GABRG3: variants seen among roughly 807,000 people sequenced by gnomAD.
GABRG3 encodes the protein gamma-aminobutyric acid type A receptor subunit gamma3.
GABRG3 carries 25 observed loss-of-function variants against 48.8 expected under a neutral mutation model. The ratio of observed to expected loss-of-function variants is 0.51; its 90% CI spans 0.37 to 0.72. The LOEUF is 0.72. Ranked by LOEUF, GABRG3 falls within the 30% of genes least tolerant of loss-of-function variation. The pLI is 0.00. For synonymous variants in GABRG3, 227 were observed against 217.6 expected, an observed-to-expected ratio of 1.04 and a Z score of -0.38; for missense variants, 394 against 577.9, an observed-to-expected ratio of 0.68 and a Z score of 3.26.
At chr15:27,521,010 A>G (rs1305201245) in intron 7 of GABRG3, among the ~76,000 whole-genome samples, 1 of 152,124 alleles carries the variant, frequency 6.6e-6, no homozygotes, top group Non-Finnish European at 1.5e-5. Flanking sequence ...AATACGTGGT[A>G]GAATTGTAGG....
intron 3 of GABRG3, among the ~76,000 whole-genome samples, chr15:27,267,956 A>G (rs972770344): frequency 3.3e-5 from 5 of 152,174 alleles, no homozygotes; most frequent in African/African-American, 9.6e-5. Context: ...TATTTTTAAA[A>G]AAATTGCTTC....
rs1447847327 is a variant in GABRG3, at chr15:27,288,161, CTG to C, written c.271-38645_271-38644del. Among the ~76,000 whole-genome samples, 7 of 152,154 alleles carry C rather than the reference CTG, an allele frequency of 4.6e-5. No homozygotes were observed. The East Asian group carries it at 1.2e-3, about 25-fold the overall frequency. ...ATGTCTACTTCTCAATCTCTGGAAA[CTG>C]TGAATATGTTACATCAGTGGTCTTC... On this transcript the variant is annotated intron_variant, in intron 3 of 9. Transcript: ENST00000615808.
chr15:27,206,323 C>T (rs1473145801), intron 3 of GABRG3, among the ~76,000 whole-genome samples: 5 of 152,058 alleles, frequency 3.3e-5, no homozygotes, highest in Admixed American at 6.6e-5. Flanking sequence ...AAAAGTCATT[C>T]GGGGTCAGAT....
chr15:27,416,813 C>G (rs1161832446), intron 5 of GABRG3, among the ~76,000 whole-genome samples: 1 of 152,180 alleles, frequency 6.6e-6, no homozygotes. Flanking sequence ...GCCCTGTGAC[C>G]TCACTTCTCT....
chr15:27,211,764 T>A (rs1246426186), intron 3 of GABRG3, among the ~76,000 whole-genome samples: 1 of 152,194 alleles, frequency 6.6e-6, no homozygotes. Flanking sequence ...GAATTGTGCT[T>A]TTGTGCTTTT....
intron 3 of GABRG3, among the ~76,000 whole-genome samples, chr15:27,286,353 T>C (rs1246642198): frequency 6.6e-6 from 1 of 152,222 alleles, no homozygotes; most frequent in African/African-American, 2.4e-5. Context: ...ATTTTCTTTT[T>C]CCACGGCTGA....
intron 3 of GABRG3, among the ~76,000 whole-genome samples, chr15:27,165,362 A>G (rs1408329871): frequency 1.3e-5 from 2 of 152,208 alleles, no homozygotes; most frequent in East Asian, 3.9e-4. Flanking sequence ...GACCTCCATG[A>G]CAAAGCCTCT....
chr15:27,002,735 C>T (rs1424801013), intron 2 of GABRG3, among the ~76,000 whole-genome samples: 3 of 105,804 alleles, frequency 2.8e-5, no homozygotes, highest in African/African-American at 1.2e-4. Context: ...ATAGTGAGAC[C>T]GTGTCTCTCA....
Position 27,288,235 on chromosome 15 carries a change from A to G in GABRG3, c.271-38574A>G, listed in dbSNP as rs76928169. ...ACCAGGAACCCATTTTGTGGAAGAC[A>G]GTTTTTCCACAGACCAGGGGGCAAG... On this transcript the variant is annotated intron_variant, in intron 3 of 9. Transcript: ENST00000615808. Among the ~76,000 whole-genome samples, 1,024 of 151,866 alleles carry G rather than the reference A, an allele frequency of 6.7e-3. 12 individuals carry two copies. Among genetic ancestry groups the G allele is most frequent in the African/African-American group, 0.024 (984 of 41,206 alleles).
At chr15:27,015,153 A>G (rs535698233) in intron 2 of GABRG3, among the ~76,000 whole-genome samples, 1 of 152,264 alleles carries the variant, frequency 6.6e-6, no homozygotes, top group South Asian at 2.1e-4. Context: ...TAACCTATGT[A>G]TGTCCTTAGA....
At chr15:27,406,926 G>A (rs569613769) in intron 5 of GABRG3, among the ~76,000 whole-genome samples, 1 of 151,606 alleles carries the variant, frequency 6.6e-6, no homozygotes, top group Admixed American at 6.6e-5. Flanking sequence ...TTTTCTTTTT[G>A]TTGTTGTTGT....
At chr15:27,061,447 T>G (rs1896643641) in intron 3 of GABRG3, among the ~76,000 whole-genome samples, 1 of 45,060 alleles carries the variant, frequency 2.2e-5, no homozygotes, top group Non-Finnish European at 9.8e-5. Context: ...GTAACTGCTC[T>G]TTTTTTTTTT....
At chr15:27,219,988 GGT>G (rs1889399535) in intron 3 of GABRG3, among the ~76,000 whole-genome samples, 2 of 152,060 alleles carry the variant, frequency 1.3e-5, no homozygotes, top group Non-Finnish European at 2.9e-5. Context: ...ACTGAACTTG[GGT>G]CGGCTCACCC....
At chr15:27,320,665 G>A (rs901043159) in intron 3 of GABRG3, among the ~76,000 whole-genome samples, 1 of 152,076 alleles carries the variant, frequency 6.6e-6, no homozygotes, top group African/African-American at 2.4e-5. Context: ...GTCATGGAAG[G>A]TCGTGATCAA....
chr15:27,283,592 C>T (rs1392222634), intron 3 of GABRG3, among the ~76,000 whole-genome samples: 1 of 152,194 alleles, frequency 6.6e-6, no homozygotes, highest in Non-Finnish European at 1.5e-5. Flanking sequence ...GGCAACAGAG[C>T]AAGACTCCGT....
At chr15:27,296,077 G>T (rs959463926) in intron 3 of GABRG3, among the ~76,000 whole-genome samples, 1 of 152,122 alleles carries the variant, frequency 6.6e-6, no homozygotes, top group Non-Finnish European at 1.5e-5. Flanking sequence ...TGGTGAGCAG[G>T]ACCTGGGTGG....
At chr15:27,392,013 A>T (rs1595724486) in intron 5 of GABRG3, among the ~76,000 whole-genome samples, 1 of 152,358 alleles carries the variant, frequency 6.6e-6, no homozygotes, top group African/African-American at 2.4e-5. Context: ...GCTGTGACAT[A>T]TACCACTGTC....
chr15:27,220,225 G>T (rs1421456839), intron 3 of GABRG3, among the ~76,000 whole-genome samples: 1 of 152,122 alleles, frequency 6.6e-6, no homozygotes, highest in Non-Finnish European at 1.5e-5. Context: ...GGCCTAAAAA[G>T]GTGGGATATC....
chr15:26,984,221 CT>C (rs1047427384), intron 2 of GABRG3, among the ~76,000 whole-genome samples: 5 of 151,428 alleles, frequency 3.3e-5, no homozygotes, highest in Middle Eastern at 3.4e-3. Context: ...GAGGACTGGT[CT>C]TTTTTTTTCC....
Sources: gnomAD v4.1 joint callset for allele counts (sites outside exome capture counted in the v4.1 genomes callset) on GRCh38, gnomAD v4.1.1 for gene constraint, MANE v1.5 for transcripts, NCBI Gene and HGNC (gene_info 2026-07-23, HGNC 2026-07-21) for gene names.